The following STRIP2 variants were observed in gnomAD, a reference collection of about 807,000 sequenced individuals.
STRIP2 encodes the protein striatin interacting protein 2, also known as striatin-interacting protein 2.
A neutral mutation model predicts 107.1 loss-of-function variants in STRIP2; 84 were observed. That is an observed-to-expected ratio of 0.78 (90% confidence interval 0.66 to 0.94). The LOEUF is 0.94. Among genes scored for constraint, STRIP2 ranks in the 40% least tolerant of loss-of-function variants. The probability of loss-of-function intolerance (pLI) is 0.00; values close to 1 mark genes in which losing one functional copy is unlikely to be tolerated. For missense variants in STRIP2, 888 were observed against 1,034.2 expected, an observed-to-expected ratio of 0.86 and a Z score of 1.94; for synonymous variants, 394 against 400.4, an observed-to-expected ratio of 0.98 and a Z score of 0.19.
Position 129,455,225 on chromosome 7 carries a change from CCT to C in STRIP2, c.707-13_707-12del. The C allele has an allele frequency of 6.2e-7, 1 of 1,600,226 alleles. No homozygotes were observed. The highest frequency in any genetic ancestry group is 8.5e-7 in the Non-Finnish European group (1 of 1,174,860). Reference sequence around the variant, plus strand: ...TGCCTCATCCTCACTTTCTCACTCCCCTCTCTCCTCACCCCTAGGCTTCTCCA... The same window carrying C: ...TGCCTCATCCTCACTTTCTCACTCCCCTCTCCTCACCCCTAGGCTTCTCCA... On this transcript the variant is annotated splice_polypyrimidine_tract_variant and intron_variant, in intron 7 of 20. Coordinates refer to ENST00000249344, the MANE Select transcript of STRIP2 (RefSeq NM_020704.3).
chr7:129,467,392 C>T lies in STRIP2; in HGVS notation c.1819C>T (p.Pro607Ser). Residue 607 changes from proline (P) to serine (S), a missense_variant, in exon 17 of 21, where the codon CCC becomes TCC. Coordinates refer to ENST00000249344, the MANE Select transcript of STRIP2 (RefSeq NM_020704.3). ...ACATTTGGTATTTGCCAACTGCATC[C>T]CCTTGATCCTGAAGTTCTTCAATCA... ...SQHLVFANCI[P>S]LILKFFNQNI... 1.2e-6 allele frequency: 2 copies of T among 1,613,660 alleles called. No homozygotes were observed. Among genetic ancestry groups the T allele is most frequent in the East Asian group, 4.5e-5 (2 of 44,860 alleles).
At position 129,472,764 on chromosome 7, in the gene STRIP2, T is replaced by C. The variant is rs866629413; in HGVS notation, c.1944+2049T>C. 2.9e-5 allele frequency among the ~76,000 whole-genome samples: 4 copies of C among 138,916 alleles called. 1 individual carries two copies. Among genetic ancestry groups the C allele is most frequent in the South Asian group, 4.6e-4 (2 of 4,354 alleles). 91.1% of individuals were successfully genotyped at this position (138,916 alleles called of 152,430 possible). On this transcript the variant is annotated intron_variant, in intron 18 of 20. Coordinates refer to ENST00000249344, the MANE Select transcript of STRIP2 (RefSeq NM_020704.3). ...CTGGCTATTTGAATATATAGAATTTTCTTTTCTTTTCCTTTTTTTTTTTTT... is the reference window on the plus strand; with the variant it reads ...CTGGCTATTTGAATATATAGAATTTCCTTTTCTTTTCCTTTTTTTTTTTTT...
chr7:129,483,164 T>C lies in STRIP2; in HGVS notation c.2254+118T>C. 2.0e-6 allele frequency: 3 copies of C among 1,472,328 alleles called. No homozygotes were observed. The highest frequency in any genetic ancestry group is 2.5e-5 in the East Asian group (1 of 40,370). 91.2% of individuals were successfully genotyped at this position (1,472,328 alleles called of 1,614,324 possible). A position where few individuals can be genotyped will look rare whatever the true frequency, so the allele number is the denominator to read the frequency against. On this transcript the variant is annotated intron_variant, in intron 20 of 20. Coordinates refer to ENST00000249344, the MANE Select transcript of STRIP2 (RefSeq NM_020704.3). The surrounding 1 kb of genome is among the most constrained non-coding windows in gnomAD (Gnocchi z 5.1). ...GTTACATATTTTAGATGAAAAAATA[T>C]GTGATTATAGGTCAGGCGCTGATAC...
chr7:129,470,520 G>C (rs1324454669), intron 17 of STRIP2, 129 bp from the exon 18 acceptor site: 1 of 702,850 alleles, frequency 1.4e-6, no homozygotes. Flanking sequence ...CATTTCAGCT[G>C]AGGTCACTAA....
At position 129,458,175 on chromosome 7, in the gene STRIP2, G is replaced by A. The variant is rs900835106; in HGVS notation, c.1039-40G>A. On this transcript the variant is annotated intron_variant, in intron 9 of 20. Transcript: ENST00000249344. The surrounding 1 kb of genome is among the most constrained non-coding windows in gnomAD (Gnocchi z 4.6). The stretch of plus-strand genomic sequence containing the variant: ...GGCCTCAGACAAGGATGCCCAGAGT[G>A]AGATCTCTGCATGCCTACCCTCCCT... The A allele has an allele frequency of 6.5e-7, 1 of 1,528,288 alleles. No individual in the cohort carries two copies. Among genetic ancestry groups the A allele is most frequent in the Admixed American group, 1.7e-5 (1 of 59,106 alleles). The allele number at this position is 1,528,288 out of a possible 1,614,324, so 94.7% of individuals were successfully genotyped here. A position where few individuals can be genotyped will look rare whatever the true frequency, so the allele number is the denominator to read the frequency against.
chr7:129,482,050 G>A (rs1799130934), intron 19 of STRIP2, among the ~76,000 whole-genome samples: 2 of 152,054 alleles, frequency 1.3e-5, no homozygotes, highest in South Asian at 4.2e-4. Context: ...CTCAGGGGAG[G>A]CTGAGGCAGG....
intron 6 of STRIP2, 29 bp downstream of exon 6, chr7:129,454,239 C>T: frequency 6.2e-7 from 1 of 1,609,566 alleles, no homozygotes; most frequent in Non-Finnish European, 8.5e-7. Context: ...GGGCTTGGAA[C>T]AGGGCAGATG....
At chr7:129,477,469 C>T (rs1019614074) in intron 18 of STRIP2, among the ~76,000 whole-genome samples, 1 of 152,012 alleles carries the variant, frequency 6.6e-6, no homozygotes, top group South Asian at 2.1e-4. Flanking sequence ...ATAATGGGTT[C>T]TTGGGGAGAT....
chr7:129,463,008 C>G lies in STRIP2; in HGVS notation c.1519C>G (p.Gln507Glu). Residue 507 changes from glutamine (Q) to glutamate (E), a missense_variant, in exon 14 of 21, where the codon CAG (glutamine) becomes GAG (glutamate). Coordinates refer to ENST00000249344, the MANE Select transcript of STRIP2 (RefSeq NM_020704.3). ...AGAGACGCCATGTGAAATCCTCTAC[C>G]AGGGAATGCTGTACAGCCTTCCGCA... ...VPETPCEILY[Q>E]GMLYSLPQYM... The G allele has an allele frequency of 6.2e-7, 1 of 1,614,102 alleles. No homozygotes were observed. The highest frequency in any genetic ancestry group is 1.3e-5 in the African/African-American group (1 of 75,050).
At chr7:129,436,461 G>A (rs946386883) in intron 1 of STRIP2, among the ~76,000 whole-genome samples, 1 of 152,136 alleles carries the variant, frequency 6.6e-6, no homozygotes, top group Non-Finnish European at 1.5e-5. Flanking sequence ...CCTGCACCGC[G>A]GTTTACCTGC....
intron 14 of STRIP2, 109 bp downstream of exon 14, chr7:129,463,149 TG>T: frequency 1.1e-6 from 1 of 908,618 alleles, no homozygotes; most frequent in Non-Finnish European, 1.7e-6. Flanking sequence ...CCTGAGCCTT[TG>T]CCCCTTTGGC....
Position 129,463,045 on chromosome 7 carries a change from G to A in STRIP2, c.1551+5G>A. On this transcript the variant is annotated splice_donor_5th_base_variant and intron_variant, in intron 14 of 20. Coordinates refer to ENST00000249344, the MANE Select transcript of STRIP2 (RefSeq NM_020704.3). Reference sequence around the variant, plus strand: ...TACAGCCTTCCGCAGTATATGGTAAGGAGATGGCTAGGCCAGAGCTGCCCT... The same window carrying A: ...TACAGCCTTCCGCAGTATATGGTAAAGAGATGGCTAGGCCAGAGCTGCCCT... 3 of 1,611,098 alleles carry A rather than the reference G, an allele frequency of 1.9e-6. No homozygotes were observed. The highest frequency in any genetic ancestry group is 1.7e-6 in the Non-Finnish European group (2 of 1,178,268).
At position 129,464,072 on chromosome 7, in the gene STRIP2, C is replaced by A. The variant is rs778936957; in HGVS notation, c.1580C>A (p.Ala527Glu). ...GCTCTGCTTAAGATTCTGCTGGCTG[C>A]AGCTCCCACCTCTAAGGCTAAGACA... The part of the protein sequence containing the change: ...MIALLKILLA[A>E]APTSKAKTDS... Residue 527 changes from alanine to glutamate, a missense_variant, in exon 15 of 21, where the codon GCA becomes GAA. Ala to Glu is a moderately radical substitution (Grantham distance 107, BLOSUM62 -1). Transcript: ENST00000249344. The A allele has an allele frequency of 1.9e-6, 3 of 1,613,564 alleles. No homozygotes were observed. The highest frequency in any genetic ancestry group is 2.5e-6 in the Non-Finnish European group (3 of 1,179,982).
intron 3 of STRIP2, among the ~76,000 whole-genome samples, chr7:129,451,168 T>G (rs1238545011): frequency 6.6e-6 from 1 of 152,060 alleles, no homozygotes; most frequent in South Asian, 2.1e-4. Flanking sequence ...CTCAATCTCC[T>G]GACCTCGTGA....
chr7:129,458,286 C>T lies in STRIP2; in HGVS notation c.1110C>T (p.Ala370=). The change falls in exon 10 of 21, where the codon GCC becomes GCT. Residue 370 remains alanine (A), a synonymous_variant. Transcript: ENST00000249344. The surrounding 1 kb of genome is among the most constrained non-coding windows in gnomAD (Gnocchi z 4.6). ...ERDLFKTEEP[A]TEEEEESAGD... ...ATCTCTTCAAGACTGAGGAGCCCGC[C>T]ACAGAGGAGGAAGAGGAGTCTGCTG... 1 of 1,614,172 alleles carries T rather than the reference C, an allele frequency of 6.2e-7. No homozygotes were observed. Among genetic ancestry groups the T allele is most frequent in the Non-Finnish European group, 8.5e-7 (1 of 1,180,036 alleles).
In STRIP2 at chr7:129,486,804, A is replaced by G. The variant is rs1799251985; in HGVS notation, c.*975A>G. 6.6e-6 allele frequency: 1 copy of G among 151,934 alleles called. No homozygotes were observed. The highest frequency in any genetic ancestry group is 2.4e-5 in the African/African-American group (1 of 41,354). 9.4% of individuals were successfully genotyped at this position (151,934 alleles called of 1,614,324 possible). On this transcript the variant is annotated 3_prime_UTR_variant, in exon 21 of 21. Transcript: ENST00000249344. Reference sequence around the variant, plus strand: ...TTGATTAATGATTTTTTTCCCGTTTATTGCTAGCAGTTTCAAAGTGTCATG... The same window carrying G: ...TTGATTAATGATTTTTTTCCCGTTTGTTGCTAGCAGTTTCAAAGTGTCATG...
Position 129,458,733 on chromosome 7 carries a change from C to G in STRIP2, c.1296C>G (p.Phe432Leu). 2 of 1,614,150 alleles carry G rather than the reference C, an allele frequency of 1.2e-6. No homozygotes were observed. The highest frequency in any genetic ancestry group is 8.5e-7 in the Non-Finnish European group (1 of 1,180,022). ...PKVRQKDIEH[F>L]LEMSRNKFIG... ...TCAGACAGAAGGACATTGAGCACTT[C>G]TTGGAGATGAGCAGGAACAAGTTCA... is the stretch of plus-strand genomic sequence containing the variant. Residue 432 changes from phenylalanine to leucine, a missense_variant, in exon 11 of 21, where the codon TTC becomes TTG. Phe to Leu is a conservative substitution (Grantham distance 22). Coordinates refer to ENST00000249344, the MANE Select transcript of STRIP2 (RefSeq NM_020704.3). The surrounding 1 kb of genome is among the most constrained non-coding windows in gnomAD (Gnocchi z 4.6).
At chr7:129,457,833 TC>T (rs1387475434) in intron 9 of STRIP2, among the ~76,000 whole-genome samples, 1 of 152,186 alleles carries the variant, frequency 6.6e-6, no homozygotes, top group Non-Finnish European at 1.5e-5. Flanking sequence ...CAAGCTTCTG[TC>T]CTCCTCTTCC....
intron 2 of STRIP2, among the ~76,000 whole-genome samples, chr7:129,441,054 C>G (rs1223132394): frequency 6.6e-6 from 1 of 150,674 alleles, no homozygotes; most frequent in Non-Finnish European, 1.5e-5. Flanking sequence ...GATGAGCAAC[C>G]CAACAAAGAA....
Sources: allele counts gnomAD v4.1 joint callset (sites outside exome capture counted in the v4.1 genomes callset), GRCh38; gene constraint gnomAD v4.1.1; non-coding constraint Gnocchi (gnomAD v3.1); transcripts MANE v1.5; gene names NCBI Gene and HGNC (gene_info 2026-07-23, HGNC 2026-07-21).